ARFGAP3: variants seen among roughly 807,000 people sequenced by gnomAD.
ARFGAP3 encodes ADP-ribosylation factor GTPase-activating protein 3.
In ARFGAP3, 72 loss-of-function variants were observed where a neutral mutation model predicts 75.0. The ratio of observed to expected loss-of-function variants is 0.96; its 90% CI spans 0.79 to 1.17. The LOEUF (loss-of-function observed/expected upper bound fraction) is 1.17. ARFGAP3 is among the 50% of genes most tolerant of loss of function. The pLI is 0.00. For synonymous variants in ARFGAP3, 221 were observed against 217.9 expected, an observed-to-expected ratio of 1.01 and a Z score of -0.13; for missense variants, 620 against 626.6, an observed-to-expected ratio of 0.99 and a Z score of 0.11.
At chr22:42,853,054 G>A (rs968157912) in intron 1 of ARFGAP3, among the ~76,000 whole-genome samples, 1 of 152,190 alleles carries the variant, frequency 6.6e-6, no homozygotes, top group Non-Finnish European at 1.5e-5. Flanking sequence ...GTGAGCCACC[G>A]CGCCCGGCCT....
intron 6 of ARFGAP3, among the ~76,000 whole-genome samples, chr22:42,829,036 C>G (rs1055315174): frequency 2.6e-5 from 4 of 152,286 alleles, no homozygotes; most frequent in African/African-American, 9.6e-5. Context: ...GTTAAATTAT[C>G]ATCTGTACTT....
At position 42,822,356 on chromosome 22, in the gene ARFGAP3, A is replaced by G; in HGVS notation, c.726T>C (p.Phe242=). The part of the protein sequence containing the change: ...LGAQKLANTC[F]NEIEKQAQAA... ...CTTGAGCTTGTTTTTCAATTTCATT[A>G]AAGCATGTGTTTGCCAGTTTCTGAG... Residue 242 remains phenylalanine, a synonymous_variant, in exon 9 of 16, where the codon TTT becomes TTC. Transcript: ENST00000263245. The G allele has an allele frequency of 6.2e-7, 1 of 1,614,196 alleles. No homozygotes were observed. Among genetic ancestry groups the G allele is most frequent in the Non-Finnish European group, 8.5e-7 (1 of 1,180,024 alleles).
At chr22:42,849,613 G>C (rs1478331679) in intron 1 of ARFGAP3, among the ~76,000 whole-genome samples, 7 of 149,530 alleles carry the variant, frequency 4.7e-5, no homozygotes, top group Admixed American at 3.4e-4. Flanking sequence ...ACCTAGGTTG[G>C]AGTGCAGTGG....
intron 3 of ARFGAP3, among the ~76,000 whole-genome samples, chr22:42,838,261 T>C (rs1926616953): frequency 7.0e-6 from 1 of 141,858 alleles, no homozygotes; most frequent in Non-Finnish European, 1.5e-5. Flanking sequence ...AATTGATATA[T>C]ATATACACAC....
chr22:42,845,906 C>T lies in ARFGAP3; in HGVS notation c.188+1608G>A, dbSNP rs146276990. On this transcript the variant is annotated intron_variant, in intron 2 of 15. Coordinates refer to ENST00000263245, the MANE Select transcript of ARFGAP3 (RefSeq NM_014570.5). Reference sequence around the variant, plus strand: ...TACAAAAATTAGCTGAGTGTGGTGGCGCGCACTTGTAATCCCAGCTACTTG... The same window carrying T: ...TACAAAAATTAGCTGAGTGTGGTGGTGCGCACTTGTAATCCCAGCTACTTG... 1.6e-3 allele frequency among the ~76,000 whole-genome samples: 246 copies of T among 151,912 alleles called. 2 individuals carry two copies. Among genetic ancestry groups the T allele is most frequent in the African/African-American group, 5.7e-3 (235 of 41,456 alleles).
chr22:42,807,225 G>C, intron 13 of ARFGAP3, 62 bp from the exon 14 acceptor site: 1 of 1,536,570 alleles, frequency 6.5e-7, no homozygotes, highest in Non-Finnish European at 8.8e-7. Context: ...TTTGCAAAAA[G>C]AATCACTGAA....
rs1925617545 is a variant in ARFGAP3 at position 42,817,235 on chromosome 22, A to G, written c.971T>C (p.Met324Thr). Reference protein sequence around the residue: ...SVISHSVTSDMQTIEQESPIM... With the variant: ...SVISHSVTSDTQTIEQESPIM... ...GGGTGATTCCTGCTCTATGGTCTGC[A>G]TATCTGAAGTCACTGAATGTGAAAT... The change falls in exon 11 of 16, where the codon ATG becomes ACG. Residue 324 changes from methionine (M) to threonine (T), a missense_variant. Coordinates refer to ENST00000263245, the MANE Select transcript of ARFGAP3 (RefSeq NM_014570.5). 6.2e-7 allele frequency: 1 copy of G among 1,612,190 alleles called. No homozygotes were observed. The highest frequency in any genetic ancestry group is 8.5e-7 in the Non-Finnish European group (1 of 1,179,104).
intron 3 of ARFGAP3, among the ~76,000 whole-genome samples, chr22:42,836,733 C>T (rs1327795331): frequency 6.6e-6 from 1 of 152,146 alleles, no homozygotes; most frequent in African/African-American, 2.4e-5. Flanking sequence ...ATATTGGTCA[C>T]CCACATGTTC....
Position 42,797,335 on chromosome 22 carries a change from T to A in ARFGAP3, c.*253A>T. ...GTTGAAATCAAAGGTTCCAAGAAAA[T>A]AAAGCAAGGATATACACAGAGACGC... is the stretch of plus-strand genomic sequence containing the variant. On this transcript the variant is annotated 3_prime_UTR_variant, in exon 16 of 16. Transcript: ENST00000263245. 2 of 507,782 alleles carry A rather than the reference T, an allele frequency of 3.9e-6. No individual in the cohort carries two copies. The highest frequency in any genetic ancestry group is 2.6e-5 in the South Asian group (1 of 38,086). 31.5% of individuals were successfully genotyped at this position (507,782 alleles called of 1,614,324 possible).
intron 1 of ARFGAP3, among the ~76,000 whole-genome samples, chr22:42,849,962 A>G (rs1010155739): frequency 6.6e-6 from 1 of 152,212 alleles, no homozygotes; most frequent in Admixed American, 6.5e-5. Flanking sequence ...TCTCACACAC[A>G]GCCTGAAAAA....
chr22:42,836,738 A>T (rs1227765686), intron 3 of ARFGAP3, among the ~76,000 whole-genome samples: 3 of 152,192 alleles, frequency 2.0e-5, no homozygotes. Flanking sequence ...GGTCACCCAC[A>T]TGTTCCGGAT....
intron 11 of ARFGAP3, among the ~76,000 whole-genome samples, chr22:42,816,775 C>T (rs2024645): frequency 0.37 from 55,942 of 152,068 alleles, 11,181 homozygotes; most frequent in Non-Finnish European, 0.45. Context: ...TTCTGAAGCA[C>T]AGAAATCTGC....
At chr22:42,814,298 C>G (rs1925488523) in intron 11 of ARFGAP3, among the ~76,000 whole-genome samples, 1 of 152,212 alleles carries the variant, frequency 6.6e-6, no homozygotes, top group Admixed American at 6.5e-5. Flanking sequence ...CTTTCAGAGT[C>G]CATGTTTATT....
intron 5 of ARFGAP3, among the ~76,000 whole-genome samples, chr22:42,832,475 G>A (rs532898756): frequency 1.3e-5 from 2 of 150,254 alleles, no homozygotes; most frequent in South Asian, 4.2e-4. Flanking sequence ...AGGCTGCAGT[G>A]AGCCAAGATT....
At chr22:42,851,369 G>A (rs1927268949) in intron 1 of ARFGAP3, among the ~76,000 whole-genome samples, 1 of 152,228 alleles carries the variant, frequency 6.6e-6, no homozygotes, top group South Asian at 2.1e-4. Flanking sequence ...CAAGAAGAGA[G>A]CAGTGAGGTT....
At position 42,835,386 on chromosome 22, in the gene ARFGAP3, T is replaced by C. The variant is rs766402849; in HGVS notation, c.369A>G (p.Gln123=). 13 of 1,614,024 alleles carry C rather than the reference T, an allele frequency of 8.1e-6. No homozygotes were observed. In the Admixed American group the frequency reaches 1.3e-4, roughly 17 times the overall value. The change falls in exon 4 of 16, where the codon CAA becomes CAG. Residue 123 remains glutamine (Q), a synonymous_variant. Transcript: ENST00000263245. ...CATCAGTGCCATGCTTCCGTGTTGC[T>C]TGAGAGGCGAGCGATTTGATTTTCT... is the stretch of plus-strand genomic sequence containing the variant. ...YREKIKSLAS[Q]ATRKHGTDLW...
Position 42,797,415 on chromosome 22 carries a change from A to G in ARFGAP3, c.*173T>C. On this transcript the variant is annotated 3_prime_UTR_variant, in exon 16 of 16. Coordinates refer to ENST00000263245, the MANE Select transcript of ARFGAP3 (RefSeq NM_014570.5). ...AAACAGAAATCACAGGAAAGCTCCT[A>G]CATCAGAACTCAGAATTTCTCAAAA... is the stretch of plus-strand genomic sequence containing the variant. The G allele has an allele frequency of 1.3e-6, 1 of 775,672 alleles. No individual in the cohort carries two copies. Among genetic ancestry groups the G allele is most frequent in the Non-Finnish European group, 2.1e-6 (1 of 480,328 alleles). 48.0% of individuals were successfully genotyped at this position (775,672 alleles called of 1,614,324 possible).
At chr22:42,837,298 CA>C (rs1010672729) in intron 3 of ARFGAP3, among the ~76,000 whole-genome samples, 2 of 151,692 alleles carry the variant, frequency 1.3e-5, no homozygotes, top group African/African-American at 4.8e-5. Flanking sequence ...CACGCCTCTA[CA>C]AAAAAACAGA....
At chr22:42,825,881 G>C (rs568616755) in intron 7 of ARFGAP3, among the ~76,000 whole-genome samples, 12 of 152,154 alleles carry the variant, frequency 7.9e-5, no homozygotes, top group African/African-American at 2.9e-4. Flanking sequence ...TTCATATAAA[G>C]ATAAGAATGT....
Sources: gnomAD v4.1 joint callset for allele counts (sites outside exome capture counted in the v4.1 genomes callset) on GRCh38, gnomAD v4.1.1 for gene constraint, MANE v1.5 for transcripts, NCBI Gene and HGNC (gene_info 2026-07-23, HGNC 2026-07-21) for gene names.